Variants in DIP2C observed in about 807,000 individuals in gnomAD.
DIP2C encodes the protein DIP2 acetate--CoA ligase C (putative).
In DIP2C, 33 loss-of-function variants were observed where a neutral mutation model predicts 192.4. The ratio of observed to expected loss-of-function variants is 0.17; its 90% CI spans 0.13 to 0.23. The LOEUF (loss-of-function observed/expected upper bound fraction) is 0.23, where lower values mean the gene tolerates loss of function less well. DIP2C is among the 10% of genes least tolerant of loss of function. The probability of loss-of-function intolerance (pLI) is 1.00; values close to 1 mark genes in which losing one functional copy is unlikely to be tolerated. For missense variants in DIP2C, 1,537 were observed against 2,110.1 expected (o/e 0.73, Z 5.32); for synonymous variants, 979 against 864.1 (o/e 1.13, Z -2.33).
chr10:448,340 A>G (rs1367782600), intron 3 of DIP2C, among the ~76,000 whole-genome samples: 6 of 138,298 alleles, frequency 4.3e-5, no homozygotes, highest in African/African-American at 6.1e-5. Flanking sequence ...AGGATCACAC[A>G]CAGTGGGGCA....
intron 1 of DIP2C, among the ~76,000 whole-genome samples, chr10:656,727 G>A (rs1010199868): frequency 6.6e-6 from 1 of 152,108 alleles, no homozygotes; most frequent in Admixed American, 6.5e-5. Context: ...GCTGGACTCC[G>A]TGTTGAAGGA....
chr10:383,358 A>T lies in DIP2C; in HGVS notation c.1877-597T>A, dbSNP rs1396167867. Among the ~76,000 whole-genome samples the T allele has an allele frequency of 1.1e-4, 17 of 152,210 alleles. 1 individual carries two copies. Among genetic ancestry groups the T allele is most frequent in the Admixed American group, 1.0e-3 (16 of 15,286 alleles). ...TTTAGTTTACAAACATGAACGTTGC[A>T]TGTTTCATAAATGTGGTCAGATACC... On this transcript the variant is annotated intron_variant, in intron 16 of 36. Coordinates refer to ENST00000280886, the MANE Select transcript of DIP2C (RefSeq NM_014974.3).
At chr10:469,350 T>C (rs1411979355) in intron 3 of DIP2C, among the ~76,000 whole-genome samples, 1 of 144,314 alleles carries the variant, frequency 6.9e-6, no homozygotes, top group Non-Finnish European at 1.5e-5. Flanking sequence ...ACAGTCTCAC[T>C]CTGTCGCCGA....
intron 10 of DIP2C, among the ~76,000 whole-genome samples, chr10:395,988 C>A (rs1316714334): frequency 6.6e-6 from 1 of 152,142 alleles, no homozygotes; most frequent in Non-Finnish European, 1.5e-5. Context: ...GGACCCTGCC[C>A]TGTGCACAGT....
At chr10:418,367 G>A (rs1160156200) in intron 6 of DIP2C, among the ~76,000 whole-genome samples, 1 of 149,538 alleles carries the variant, frequency 6.7e-6, no homozygotes, top group Non-Finnish European at 1.5e-5. Flanking sequence ...CCGCCTGTGA[G>A]TCCCGTGCAC....
At chr10:664,593 G>A (rs1448118736) in intron 1 of DIP2C, 2 of 152,208 alleles carry the variant, frequency 1.3e-5, no homozygotes, top group South Asian at 2.1e-4. Flanking sequence ...ATATGTCCGG[G>A]TTAATCAACA....
intron 6 of DIP2C, among the ~76,000 whole-genome samples, chr10:416,217 C>T (rs1965626068): frequency 6.6e-6 from 1 of 152,120 alleles, no homozygotes; most frequent in Non-Finnish European, 1.5e-5. Flanking sequence ...GGGCAGACTC[C>T]TCATTCCCAC....
intron 9 of DIP2C, among the ~76,000 whole-genome samples, chr10:405,649 C>T (rs1964749546): frequency 6.6e-6 from 1 of 152,198 alleles, no homozygotes; most frequent in African/African-American, 2.4e-5. Flanking sequence ...TACAAAGACG[C>T]TCGATTTTTG....
intron 3 of DIP2C, among the ~76,000 whole-genome samples, chr10:468,447 C>T (rs890751333): frequency 6.6e-6 from 1 of 152,018 alleles, no homozygotes; most frequent in African/African-American, 2.4e-5. Flanking sequence ...CTCCATATGC[C>T]AATCAGTCAT....
intron 1 of DIP2C, among the ~76,000 whole-genome samples, chr10:543,457 C>A (rs1848114624): frequency 6.6e-6 from 1 of 152,222 alleles, no homozygotes; most frequent in Admixed American, 6.5e-5. Context: ...TCTTACTGCA[C>A]CACTAAAGAC....
At chr10:657,532 G>C (rs1278124558) in intron 1 of DIP2C, among the ~76,000 whole-genome samples, 13 of 59,352 alleles carry the variant, frequency 2.2e-4, no homozygotes, top group African/African-American at 6.3e-4. Flanking sequence ...CCTGCCGCTA[G>C]ACCTGTCCCT....
At chr10:299,458 G>A (rs2132254743) in intron 32 of DIP2C, among the ~76,000 whole-genome samples, 1 of 152,270 alleles carries the variant, frequency 6.6e-6, no homozygotes, top group East Asian at 1.9e-4. Flanking sequence ...TGACATTTTT[G>A]AAGAATAGTG....
At chr10:337,479 G>A (rs1437321265) in intron 29 of DIP2C, among the ~76,000 whole-genome samples, 1 of 144,588 alleles carries the variant, frequency 6.9e-6, no homozygotes, top group Non-Finnish European at 1.5e-5. Context: ...AAGCTGATGT[G>A]TATGTGTGTG....
intron 2 of DIP2C, among the ~76,000 whole-genome samples, chr10:476,381 T>TA (rs1467733926): frequency 2.0e-5 from 3 of 152,182 alleles, no homozygotes; most frequent in African/African-American, 7.2e-5. Flanking sequence ...TGTGGGATCC[T>TA]AGGCAAGTTT....
At chr10:480,796 G>A (rs1210708638) in intron 2 of DIP2C, among the ~76,000 whole-genome samples, 2 of 152,242 alleles carry the variant, frequency 1.3e-5, no homozygotes, top group Non-Finnish European at 2.9e-5. Flanking sequence ...CGGCAGCTAA[G>A]CGTGGTACCC....
intron 32 of DIP2C, among the ~76,000 whole-genome samples, chr10:294,279 C>T (rs1955639246): frequency 6.6e-6 from 1 of 152,142 alleles, no homozygotes. Context: ...ATCCCGAGCA[C>T]AGACCCCTGC....
intron 4 of DIP2C, among the ~76,000 whole-genome samples, chr10:427,656 G>C (rs1216213782): frequency 6.6e-6 from 1 of 152,174 alleles, no homozygotes; most frequent in Non-Finnish European, 1.5e-5. Flanking sequence ...AAGCTAATAA[G>C]CACATTAAAA....
intron 2 of DIP2C, among the ~76,000 whole-genome samples, chr10:474,304 T>C (rs778230148): frequency 6.6e-6 from 1 of 152,170 alleles, no homozygotes; most frequent in Non-Finnish European, 1.5e-5. Context: ...CAAATACCGT[T>C]CTATCTTACG....
chr10:641,029 G>A (rs891591406), intron 1 of DIP2C, among the ~76,000 whole-genome samples: 1 of 151,984 alleles, frequency 6.6e-6, no homozygotes, highest in East Asian at 1.9e-4. Context: ...TAACCCCATG[G>A]CTTCATTACA....
Sources: gnomAD v4.1 joint callset for allele counts (sites outside exome capture counted in the v4.1 genomes callset) on GRCh38, gnomAD v4.1.1 for gene constraint, MANE v1.5 for transcripts, NCBI Gene and HGNC (gene_info 2026-07-23, HGNC 2026-07-21) for gene names.